Variants in PCDH15 observed in about 807,000 individuals in gnomAD.
PCDH15 encodes protocadherin related 15.
Under a neutral mutation model 178.5 loss-of-function variants are expected in PCDH15, and 129 were observed. That is an observed-to-expected ratio of 0.72 (90% CI 0.63 to 0.84). The LOEUF (loss-of-function observed/expected upper bound fraction) is 0.84. Ranked by LOEUF, PCDH15 falls within the 40% of genes least tolerant of loss-of-function variation. The pLI is 0.00. For synonymous variants in PCDH15, 800 were observed against 732.0 expected, an observed-to-expected ratio of 1.09 and a Z score of -1.50; for missense variants, 2,230 against 2,099.9, an observed-to-expected ratio of 1.06 and a Z score of -1.21.
intron 3 of PCDH15, among the ~76,000 whole-genome samples, chr10:54,826,665 A>G (rs974570065): frequency 6.6e-6 from 1 of 151,866 alleles, no homozygotes; most frequent in Non-Finnish European, 1.5e-5. Context: ...GTGGGTCATA[A>G]TTTTCTGTTG....
intron 13 of PCDH15, among the ~76,000 whole-genome samples, chr10:54,155,717 A>G (rs1386242448): frequency 6.6e-6 from 1 of 151,404 alleles, no homozygotes; most frequent in African/African-American, 2.4e-5. Flanking sequence ...GAATTGCTTG[A>G]ACCTGAGAGG....
At position 53,827,494 on chromosome 10, in the gene PCDH15, A is replaced by G; in HGVS notation, c.4266T>C (p.Ala1422=). Residue 1422 remains alanine, a synonymous_variant, in exon 32 of 38, where the codon GCT becomes GCC. Coordinates refer to ENST00000644397, the MANE Select transcript of PCDH15 (RefSeq NM_001384140.1). The stretch of plus-strand genomic sequence containing the variant: ...GTGCAGGAGCCGGCACTGCTGGTTT[A>G]GCCGCGGGTAATGCGGCCTGAATTC... ...TARIQAALPA[A]KPAVPAPAPV... The G allele has an allele frequency of 2.5e-6, 4 of 1,614,074 alleles. No individual in the cohort carries two copies. The highest frequency in any genetic ancestry group is 3.4e-6 in the Non-Finnish European group (4 of 1,179,960).
intron 5 of PCDH15, among the ~76,000 whole-genome samples, chr10:54,363,187 A>C (rs1946314673): frequency 6.6e-6 from 1 of 152,160 alleles, no homozygotes; most frequent in African/African-American, 2.4e-5. Flanking sequence ...ATGCAGATTC[A>C]ATTTTAAAGG....
At chr10:54,003,966 G>A (rs911732240) in intron 20 of PCDH15, among the ~76,000 whole-genome samples, 8 of 151,966 alleles carry the variant, frequency 5.3e-5, no homozygotes, top group Admixed American at 5.2e-4. Context: ...TTATCTCAGG[G>A]ATACTAGGAT....
At chr10:54,782,691 G>A (rs1466749960) in intron 1 of PCDH15, among the ~76,000 whole-genome samples, 1 of 151,882 alleles carries the variant, frequency 6.6e-6, no homozygotes, top group Admixed American at 6.6e-5. Context: ...ACGACCTCAG[G>A]GACCTAAGAA....
chr10:54,412,649 C>G (rs148047030), intron 3 of PCDH15, among the ~76,000 whole-genome samples: 1 of 152,184 alleles, frequency 6.6e-6, no homozygotes, highest in Non-Finnish European at 1.5e-5. Context: ...TGGCTACTTA[C>G]AACAAGCAAC....
intron 2 of PCDH15, among the ~76,000 whole-genome samples, chr10:55,401,156 A>T (rs978242196): frequency 6.6e-6 from 1 of 152,072 alleles, no homozygotes; most frequent in Non-Finnish European, 1.5e-5. Flanking sequence ...ATTGATTCAC[A>T]AACTAGCTTC....
chr10:53,856,975 G>A (rs1391556024), intron 28 of PCDH15, among the ~76,000 whole-genome samples, 200 bp downstream of exon 28: 1 of 152,004 alleles, frequency 6.6e-6, no homozygotes, highest in African/African-American at 2.4e-5. Flanking sequence ...AGGGGCATGA[G>A]GGCTGACAAA....
At chr10:54,535,273 T>C (rs1297506714) in intron 2 of PCDH15, among the ~76,000 whole-genome samples, 1 of 152,220 alleles carries the variant, frequency 6.6e-6, no homozygotes, top group African/African-American at 2.4e-5. Context: ...CAATACAATT[T>C]ACTCTAGAGA....
At chr10:55,346,942 C>T (rs140670587) in intron 2 of PCDH15, among the ~76,000 whole-genome samples, 200 of 151,946 alleles carry the variant, frequency 1.3e-3, no homozygotes, top group African/African-American at 4.6e-3. Context: ...GAGTTGGGCG[C>T]GGTGACTCAC....
intron 15 of PCDH15, among the ~76,000 whole-genome samples, chr10:54,115,560 T>C (rs2095098888): frequency 6.6e-6 from 1 of 152,192 alleles, no homozygotes; most frequent in African/African-American, 2.4e-5. Flanking sequence ...CTAATGAATA[T>C]TGATGCAGAC....
intron 3 of PCDH15, among the ~76,000 whole-genome samples, chr10:54,387,558 T>TTGAAATTTA (rs1307346140): frequency 9.9e-5 from 15 of 152,194 alleles, no homozygotes; most frequent in African/African-American, 3.6e-4. Flanking sequence ...TGTGTACTCT[T>TTGAAATTTA]CTGATCTGAA....
intron 2 of PCDH15, among the ~76,000 whole-genome samples, chr10:55,497,991 G>T (rs965874256): frequency 6.6e-6 from 1 of 151,748 alleles, no homozygotes; most frequent in Non-Finnish European, 1.5e-5. Flanking sequence ...AAATCTGTTG[G>T]GTTTAGCCTA....
At chr10:55,018,556 C>A (rs1369631287) in intron 2 of PCDH15, among the ~76,000 whole-genome samples, 2 of 151,682 alleles carry the variant, frequency 1.3e-5, no homozygotes, top group Non-Finnish European at 1.5e-5. Context: ...GATGTGGAAC[C>A]CAGGGATACT....
chr10:54,156,220 C>A (rs979673574), intron 13 of PCDH15, among the ~76,000 whole-genome samples: 18 of 152,070 alleles, frequency 1.2e-4, no homozygotes, highest in South Asian at 2.1e-4. Flanking sequence ...TTTAGCCCTA[C>A]CCTTTCATAA....
rs187096013 is a variant in PCDH15 at position 55,447,854 on chromosome 10, T to A, written c.-156+179771A>T. ...GGTTTTTATAGTGGAGTATAAAGTG[T>A]GGAGTATAAGTGTAAGGAGTCTAAA... On this transcript the variant is annotated intron_variant, in intron 2 of 5. Transcript: ENST00000613346. 1.2e-3 allele frequency among the ~76,000 whole-genome samples: 189 copies of A among 151,936 alleles called. 2 individuals carry two copies. The highest frequency in any genetic ancestry group is 4.3e-3 in the African/African-American group (180 of 41,484).
At chr10:54,325,188 C>T (rs11004234) in intron 7 of PCDH15, among the ~76,000 whole-genome samples, 68,645 of 151,710 alleles carry the variant, frequency 0.45, 16,197 homozygotes, top group Middle Eastern at 0.59. Flanking sequence ...CGGATCATAA[C>T]ATGTAAACAC....
chr10:55,593,269 G>A (rs1364984294), intron 2 of PCDH15, among the ~76,000 whole-genome samples: 2 of 151,954 alleles, frequency 1.3e-5, no homozygotes, highest in African/African-American at 2.4e-5. Context: ...TGAAACTTCC[G>A]AAAACGAAAA....
chr10:54,537,839 G>A (rs2084751304), intron 2 of PCDH15, among the ~76,000 whole-genome samples: 1 of 151,912 alleles, frequency 6.6e-6, no homozygotes, highest in Non-Finnish European at 1.5e-5. Flanking sequence ...TCTCATTGTG[G>A]TTTTGATTTG....
Sources: gnomAD v4.1 joint callset for allele counts (sites outside exome capture counted in the v4.1 genomes callset) on GRCh38, gnomAD v4.1.1 for gene constraint, MANE v1.5 for transcripts, NCBI Gene and HGNC (gene_info 2026-07-23, HGNC 2026-07-21) for gene names.